The following STX11 variants were observed in gnomAD, a reference collection of about 807,000 sequenced individuals.
STX11 encodes the protein syntaxin-11.
STX11 carries 21 observed loss-of-function variants against 19.9 expected under a neutral mutation model. The observed-to-expected ratio is 1.06, with a 90% CI of 0.75 to 1.52. STX11 has a LOEUF of 1.52. Among genes scored for constraint, STX11 ranks in the 40% most tolerant of loss-of-function variants. STX11 has a pLI of 0.00. For synonymous variants in STX11, 193 were observed against 174.4 expected (o/e 1.11, Z -0.84); for missense variants, 438 against 405.9 (o/e 1.08, Z -0.68).
the STX11 span, among the ~76,000 whole-genome samples, chr6:144,140,130 A>C: frequency 3.7e-4 from 55 of 148,064 alleles, 1 homozygote; most frequent in African/African-American, 2.5e-5. Flanking sequence ...CAGATGTCTC[A>C]AGGAAAGACT....
In STX11 at chr6:144,165,625, A is replaced by G. The variant is rs1333467135; in HGVS notation, c.-6+14922A>G. 6.6e-6 allele frequency among the ~76,000 whole-genome samples: 1 copy of G among 152,246 alleles called. No homozygotes were observed. Reference sequence around the variant, plus strand: ...CTTGAGTTATAGGAGTAATATAAAAACTAATAATAGAATCATTCTTTGGTT... The same window carrying G: ...CTTGAGTTATAGGAGTAATATAAAAGCTAATAATAGAATCATTCTTTGGTT... On this transcript the variant is annotated intron_variant, in intron 1 of 1. Coordinates refer to ENST00000367568, the MANE Select transcript of STX11 (RefSeq NM_003764.4). This position sits in a 1 kb window ranked among gnomAD's most constrained non-coding sequence, Gnocchi z 5.8.
rs968978596 is a variant in STX11 at position 144,187,668 on chromosome 6, T to A, written c.*177T>A. The A allele has an allele frequency of 1.2e-6, 1 of 802,592 alleles. No individual in the cohort carries two copies. Among genetic ancestry groups the A allele is most frequent in the South Asian group, 1.8e-5 (1 of 56,928 alleles). 49.7% of individuals were successfully genotyped at this position (802,592 alleles called of 1,614,324 possible). On this transcript the variant is annotated 3_prime_UTR_variant, in exon 2 of 2. Coordinates refer to ENST00000367568, the MANE Select transcript of STX11 (RefSeq NM_003764.4). The surrounding 1 kb of genome is among the most constrained non-coding windows in gnomAD (Gnocchi z 5.6). Reference sequence around the variant, plus strand: ...AACCAGCCTGTGCTTGGAAAGATGGTTAGTTGATACCGTCCGATGATTCTT... The same window carrying A: ...AACCAGCCTGTGCTTGGAAAGATGGATAGTTGATACCGTCCGATGATTCTT...
chr6:144,165,872 A>T lies in STX11; in HGVS notation c.-6+15169A>T, dbSNP rs2128750321. Among the ~76,000 whole-genome samples the T allele has an allele frequency of 6.6e-6, 1 of 152,350 alleles. No individual in the cohort carries two copies. The highest frequency in any genetic ancestry group is 1.5e-5 in the Non-Finnish European group (1 of 68,030). On this transcript the variant is annotated intron_variant, in intron 1 of 1. Transcript: ENST00000367568. The surrounding 1 kb of genome is among the most constrained non-coding windows in gnomAD (Gnocchi z 5.8). ...AATCAAAAAGTAACCTTTGTGAGGT[A>T]AGTAGAGTTATTACCATTTTACAGA...
rs200112349 is a variant in STX11 at position 144,155,943 on chromosome 6, T to TA, written c.-6+5240_-6+5241insA. Among the ~76,000 whole-genome samples, 2,036 of 7,010 alleles carry TA rather than the reference T, an allele frequency of 0.29. 104 individuals carry two copies. The highest frequency in any genetic ancestry group is 0.39 in the East Asian group (116 of 294). The allele number at this position is 7,010 out of a possible 152,430, so 4.6% of individuals were successfully genotyped here. A position where few individuals can be genotyped will look rare whatever the true frequency, so the allele number is the denominator to read the frequency against. Reference sequence around the variant, plus strand: ...ATTAAATGTGTTTTAAAATTTAATCTTTCTTTCTTTCTTTCTTTCTTTCTT... The same window carrying TA: ...ATTAAATGTGTTTTAAAATTTAATCTATTCTTTCTTTCTTTCTTTCTTTCTT... On this transcript the variant is annotated intron_variant, in intron 1 of 1. Coordinates refer to ENST00000367568, the MANE Select transcript of STX11 (RefSeq NM_003764.4). This position sits in a 1 kb window ranked among gnomAD's most constrained non-coding sequence, Gnocchi z 4.5.
intron 1 of STX11, among the ~76,000 whole-genome samples, chr6:144,173,408 C>T (rs565015109): frequency 1.3e-5 from 2 of 152,170 alleles, no homozygotes; most frequent in Non-Finnish European, 2.9e-5. Context: ...AGAAGGTCTG[C>T]GAGGCAGCTT....
At position 144,176,615 on chromosome 6, in the gene STX11, AAG is replaced by A. The variant is rs1252739638; in HGVS notation, c.-5-10006_-5-10005del. 2.0e-5 allele frequency among the ~76,000 whole-genome samples: 3 copies of A among 152,136 alleles called. No homozygotes were observed. Among genetic ancestry groups the A allele is most frequent in the African/African-American group, 7.2e-5 (3 of 41,436 alleles). On this transcript the variant is annotated intron_variant, in intron 1 of 1. Transcript: ENST00000367568. The surrounding 1 kb of genome is among the most constrained non-coding windows in gnomAD (Gnocchi z 4.1). ...TGCCACAGTCTCTAAAGGGAGTGAG[AAG>A]ACTGTCAGTGGTGAGTGGAGATAAC... is the stretch of plus-strand genomic sequence containing the variant.
At chr6:144,164,683 C>T (rs961466849) in intron 1 of STX11, among the ~76,000 whole-genome samples, 1 of 151,846 alleles carries the variant, frequency 6.6e-6, no homozygotes, top group Non-Finnish European at 1.5e-5. Flanking sequence ...TTCTATATAG[C>T]TTTATTTTAT....
the STX11 span, among the ~76,000 whole-genome samples, chr6:144,144,232 T>C: frequency 1.3e-5 from 2 of 152,232 alleles, no homozygotes; most frequent in Non-Finnish European, 2.9e-5. Context: ...AGTTGAATGA[T>C]GTAGACAAAG....
In STX11 at chr6:144,167,811, G is replaced by C. The variant is rs935463389; in HGVS notation, c.-6+17108G>C. Among the ~76,000 whole-genome samples the C allele has an allele frequency of 1.3e-5, 2 of 152,032 alleles. No individual in the cohort carries two copies. Among genetic ancestry groups the C allele is most frequent in the African/African-American group, 4.8e-5 (2 of 41,388 alleles). On this transcript the variant is annotated intron_variant, in intron 1 of 1. Coordinates refer to ENST00000367568, the MANE Select transcript of STX11 (RefSeq NM_003764.4). This position sits in a 1 kb window ranked among gnomAD's most constrained non-coding sequence, Gnocchi z 5.0. ...TTATTGTAGTTTGTTGTAGAGGTGG[G>C]GTTTCACCATGTTATCCATGGCTGG...
Position 144,189,392 on chromosome 6 carries a change from AAAACTC to A in STX11, c.*1905_*1910del, listed in dbSNP as rs1398327632. The stretch of plus-strand genomic sequence containing the variant: ...ACTGAGTGGAGGGGGAAAAGAATGA[AAAACTC>A]AAAAGAATTCCCATGAGGGTGTCTT... On this transcript the variant is annotated 3_prime_UTR_variant, in exon 2 of 2. Coordinates refer to ENST00000367568, the MANE Select transcript of STX11 (RefSeq NM_003764.4). Among the ~76,000 whole-genome samples the A allele has an allele frequency of 6.6e-6, 1 of 152,232 alleles. No homozygotes were observed. Among genetic ancestry groups the A allele is most frequent in the Non-Finnish European group, 1.5e-5 (1 of 68,040 alleles).
rs1011083621 is a variant in STX11 at position 144,191,099 on chromosome 6, T to C, written c.*3608T>C. ...TGAAAGAACAAATCACAAAGAACAA[T>C]AGATCCTTCAGGAGCTGAAGGTAAG... is the stretch of plus-strand genomic sequence containing the variant. On this transcript the variant is annotated 3_prime_UTR_variant, in exon 2 of 2. Coordinates refer to ENST00000367568, the MANE Select transcript of STX11 (RefSeq NM_003764.4). 1.3e-5 allele frequency among the ~76,000 whole-genome samples: 2 copies of C among 151,796 alleles called. No homozygotes were observed. Among genetic ancestry groups the C allele is most frequent in the East Asian group, 3.9e-4 (2 of 5,182 alleles).
intron 1 of STX11, among the ~76,000 whole-genome samples, chr6:144,168,725 C>T (rs1265779122): frequency 6.6e-6 from 1 of 152,216 alleles, no homozygotes; most frequent in Admixed American, 6.5e-5. Context: ...TTGGCAACAG[C>T]ATATATGGCA....
rs1425549763 is a variant in STX11, at chr6:144,155,811, T to C, written c.-6+5108T>C. On this transcript the variant is annotated intron_variant, in intron 1 of 1. Coordinates refer to ENST00000367568, the MANE Select transcript of STX11 (RefSeq NM_003764.4). The surrounding 1 kb of genome is among the most constrained non-coding windows in gnomAD (Gnocchi z 4.5). ...TTCTGAGTTTATGGATACCAGACAT[T>C]ATCTGTGTATTTCATTCAACTTCTT... 6.6e-6 allele frequency among the ~76,000 whole-genome samples: 1 copy of C among 152,184 alleles called. No individual in the cohort carries two copies. Among genetic ancestry groups the C allele is most frequent in the African/African-American group, 2.4e-5 (1 of 41,430 alleles).
At chr6:144,178,102 G>A (rs892306547) in intron 1 of STX11, among the ~76,000 whole-genome samples, 2 of 152,158 alleles carry the variant, frequency 1.3e-5, no homozygotes, top group East Asian at 3.8e-4. Flanking sequence ...TTAGACTAAC[G>A]ATTTTAAAAG....
At chr6:144,157,561 TC>T (rs1250628083) in intron 1 of STX11, among the ~76,000 whole-genome samples, 3 of 152,162 alleles carry the variant, frequency 2.0e-5, no homozygotes, top group Non-Finnish European at 4.4e-5. Flanking sequence ...CAGAAAGTTG[TC>T]ATTTTTTTCC....
At position 144,188,051 on chromosome 6, in the gene STX11, C is replaced by A. The variant is rs554594180; in HGVS notation, c.*560C>A. 4.1e-6 allele frequency: 1 copy of A among 245,200 alleles called. No homozygotes were observed. Among genetic ancestry groups the A allele is most frequent in the East Asian group, 6.3e-5 (1 of 15,782 alleles). 15.2% of individuals were successfully genotyped at this position (245,200 alleles called of 1,614,324 possible). A position where few individuals can be genotyped will look rare whatever the true frequency, so the allele number is the denominator to read the frequency against. On this transcript the variant is annotated 3_prime_UTR_variant, in exon 2 of 2. Coordinates refer to ENST00000367568, the MANE Select transcript of STX11 (RefSeq NM_003764.4). ...ATCTTATTTCTGCTCATTTCCCCTACTTATTAAAATCACACCAAACACTTA... is the reference window on the plus strand; with the variant it reads ...ATCTTATTTCTGCTCATTTCCCCTAATTATTAAAATCACACCAAACACTTA...
chr6:144,152,829 C>T lies in STX11; in HGVS notation c.-6+2126C>T, dbSNP rs1473497930. Among the ~76,000 whole-genome samples, 1 of 152,166 alleles carries T rather than the reference C, an allele frequency of 6.6e-6. No individual in the cohort carries two copies. Among genetic ancestry groups the T allele is most frequent in the African/African-American group, 2.4e-5 (1 of 41,436 alleles). Reference sequence around the variant, plus strand: ...TTGTATTTTTAGTAGGGACAAGGTTCGGCCCTGTTGGCCAGGCTGGTCTCG... The same window carrying T: ...TTGTATTTTTAGTAGGGACAAGGTTTGGCCCTGTTGGCCAGGCTGGTCTCG... On this transcript the variant is annotated intron_variant, in intron 1 of 1. Transcript: ENST00000367568. This position sits in a 1 kb window ranked among gnomAD's most constrained non-coding sequence, Gnocchi z 4.9.
chr6:144,148,770 T>G (rs901941095), upstream of STX11, among the ~76,000 whole-genome samples: 2 of 152,232 alleles, frequency 1.3e-5, no homozygotes, highest in Non-Finnish European at 2.9e-5. Context: ...TTTATTTTAT[T>G]TTTTGTAGAG....
upstream of STX11, among the ~76,000 whole-genome samples, chr6:144,148,642 A>C (rs1800922139): frequency 6.6e-6 from 1 of 152,112 alleles, no homozygotes; most frequent in Non-Finnish European, 1.5e-5. Flanking sequence ...AGATTTCCTT[A>C]GTTTTTCCCC....
Sources: gnomAD v4.1 joint callset for allele counts (sites outside exome capture counted in the v4.1 genomes callset) on GRCh38, gnomAD v4.1.1 for gene constraint, Gnocchi (gnomAD v3.1) non-coding constraint, MANE v1.5 for transcripts, NCBI Gene and HGNC (gene_info 2026-07-23, HGNC 2026-07-21) for gene names.